SWT1: variants seen among roughly 807,000 people sequenced by gnomAD.
The protein encoded by SWT1 is SWT1 RNA endoribonuclease homolog.
Under a neutral mutation model 107.3 loss-of-function variants are expected in SWT1, and 33 were observed. That is an observed-to-expected ratio of 0.31 (90% confidence interval 0.23 to 0.41). The LOEUF is 0.41. Ranked by LOEUF, SWT1 falls within the 10% of genes least tolerant of loss-of-function variation. The probability of loss-of-function intolerance (pLI) is 1.00; values close to 1 mark genes in which losing one functional copy is unlikely to be tolerated. For missense variants in SWT1, 898 were observed against 1,028.9 expected, an observed-to-expected ratio of 0.87 and a Z score of 1.74; for synonymous variants, 345 against 348.3, an observed-to-expected ratio of 0.99 and a Z score of 0.11.
At chr1:185,196,611 CCATG>C (rs1471704221) in intron 10 of SWT1, among the ~76,000 whole-genome samples, 3 of 152,164 alleles carry the variant, frequency 2.0e-5, no homozygotes, top group South Asian at 2.1e-4. Context: ...TTCTTCCTAT[CCATG>C]GGCATGGAAT....
chr1:185,242,496 T>TA (rs1327299267), intron 16 of SWT1, among the ~76,000 whole-genome samples: 1 of 152,140 alleles, frequency 6.6e-6, no homozygotes, highest in Admixed American at 6.5e-5. Context: ...CCTTTTAAGG[T>TA]AACCTCCGCT....
At chr1:185,157,434 G>A (rs925146289) in intron 1 of SWT1, 120 bp downstream of exon 1, 1 of 152,414 alleles carries the variant, frequency 6.6e-6, no homozygotes, top group Non-Finnish European at 1.5e-5. Flanking sequence ...CACGGACCTG[G>A]GCGGGGCGAC....
At chr1:185,272,898 T>C (rs909640409) in intron 17 of SWT1, among the ~76,000 whole-genome samples, 6 of 151,952 alleles carry the variant, frequency 3.9e-5, no homozygotes, top group African/African-American at 1.4e-4. Context: ...TTAGCCGGCA[T>C]GGTGGCATGC....
intron 2 of SWT1, among the ~76,000 whole-genome samples, chr1:185,161,606 G>A (rs1654154663): frequency 6.6e-6 from 1 of 152,134 alleles, no homozygotes; most frequent in South Asian, 2.1e-4. Context: ...GCTGAGGTGG[G>A]AGGAGAATCA....
Position 185,174,801 on chromosome 1 carries a change from C to T in SWT1, c.654C>T (p.Asn218=). The change falls in exon 5 of 19, where the codon AAC becomes AAT. Residue 218 remains asparagine (N), a synonymous_variant. Coordinates refer to ENST00000367500, the MANE Select transcript of SWT1 (RefSeq NM_017673.7). ...AATTTTCTCAGGATTATAACTCCAA[C>T]AAGATAATTAAGGAACCCTTGGGAT... ...RNQFSQDYNS[N]KIIKEPLGSR... The T allele has an allele frequency of 6.2e-7, 1 of 1,612,322 alleles. No homozygotes were observed. Among genetic ancestry groups the T allele is most frequent in the South Asian group, 1.1e-5 (1 of 90,528 alleles).
At chr1:185,222,469 C>T (rs1659730023) in intron 15 of SWT1, among the ~76,000 whole-genome samples, 1 of 151,914 alleles carries the variant, frequency 6.6e-6, no homozygotes, top group South Asian at 2.1e-4. Flanking sequence ...GTGATAAGAA[C>T]ATTTAGGCCG....
At chr1:185,193,757 G>A (rs763422677) in intron 10 of SWT1, among the ~76,000 whole-genome samples, 6 of 152,144 alleles carry the variant, frequency 3.9e-5, no homozygotes, top group Non-Finnish European at 8.8e-5. Flanking sequence ...GAGCCACCTT[G>A]CCAAGGCTGG....
chr1:185,257,743 C>A (rs1050551091), intron 16 of SWT1, among the ~76,000 whole-genome samples: 3 of 152,252 alleles, frequency 2.0e-5, no homozygotes, highest in Admixed American at 1.3e-4. Context: ...CCGCCTTCTG[C>A]GTCGCTCACG....
In SWT1 at chr1:185,206,740, G is replaced by A. The variant is rs759278110; in HGVS notation, c.1949G>A (p.Ser650Asn). Residue 650 changes from serine to asparagine, a missense_variant, in exon 13 of 19, where the codon AGC (serine) becomes AAC (asparagine). Transcript: ENST00000367500. ...AAGAACTTGCTTTTAACTATTGAGA[G>A]CCTATACAAAAATCTCCGTAAAGGT... ...MEKNLLLTIE[S>N]LYKNLRKANK... 2.3e-5 allele frequency: 36 copies of A among 1,599,412 alleles called. No homozygotes were observed. The East Asian group carries it at 6.7e-4, about 30-fold the overall frequency.
chr1:185,228,188 T>TAC (rs775585667), intron 15 of SWT1, among the ~76,000 whole-genome samples: 1 of 75,762 alleles, frequency 1.3e-5, no homozygotes, highest in East Asian at 2.8e-4. Context: ...TATATATATA[T>TAC]ACATATATAT....
intron 16 of SWT1, among the ~76,000 whole-genome samples, chr1:185,266,828 G>T (rs1046486414): frequency 2.0e-5 from 3 of 152,146 alleles, no homozygotes; most frequent in Non-Finnish European, 4.4e-5. Context: ...GTGAGTGTCA[G>T]TTCTGTTAAC....
intron 16 of SWT1, among the ~76,000 whole-genome samples, chr1:185,243,863 A>G (rs965993874): frequency 6.6e-6 from 1 of 152,198 alleles, no homozygotes; most frequent in African/African-American, 2.4e-5. Flanking sequence ...AATAAGACAA[A>G]TAAGTAAAAT....
intron 15 of SWT1, among the ~76,000 whole-genome samples, chr1:185,228,530 A>G (rs1455731250): frequency 6.6e-6 from 1 of 152,130 alleles, no homozygotes; most frequent in Non-Finnish European, 1.5e-5. Flanking sequence ...TCAAAAAAAG[A>G]TACATTTTCA....
intron 7 of SWT1, 104 bp from the exon 8 acceptor site, chr1:185,184,139 G>A (rs564758576): frequency 1.2e-4 from 75 of 604,886 alleles, no homozygotes; most frequent in East Asian, 2.1e-4. Flanking sequence ...ACAAAGAGGC[G>A]TTTTAAATTT....
rs139545776 is a variant in SWT1, at chr1:185,231,358, T to C, written c.2310-219T>C. Among the ~76,000 whole-genome samples the C allele has an allele frequency of 3.7e-3, 571 of 152,338 alleles. 4 individuals are homozygous for C. Among genetic ancestry groups the C allele is most frequent in the African/African-American group, 0.013 (532 of 41,574 alleles). On this transcript the variant is annotated intron_variant, in intron 15 of 18. Transcript: ENST00000367500. ...TCACACAACTTTCATAGTATTACTT[T>C]AGATTAGACCTGTATAGTGTCTGAA... is the stretch of plus-strand genomic sequence containing the variant.
At chr1:185,289,328 C>T (rs779326092) in intron 18 of SWT1, among the ~76,000 whole-genome samples, 2 of 152,160 alleles carry the variant, frequency 1.3e-5, no homozygotes, top group African/African-American at 2.4e-5. Flanking sequence ...GGGCTTCTTC[C>T]GTGGTGGACC....
At chr1:185,266,775 A>C in intron 16 of SWT1, 1 of 152,152 alleles carries the variant, frequency 6.6e-6, no homozygotes, top group East Asian at 1.9e-4. Flanking sequence ...TCATGGATAA[A>C]TAGAATACTG....
At chr1:185,253,225 C>T (rs890923583) in intron 16 of SWT1, among the ~76,000 whole-genome samples, 95 of 150,798 alleles carry the variant, frequency 6.3e-4, no homozygotes, top group African/African-American at 2.3e-3. Flanking sequence ...GTGATACCTC[C>T]AGCTTTGTTC....
intron 17 of SWT1, among the ~76,000 whole-genome samples, chr1:185,275,099 ATAAAT>A (rs1053491710): frequency 6.6e-6 from 1 of 152,232 alleles, no homozygotes; most frequent in African/African-American, 2.4e-5. Context: ...AAAGCTTAAT[ATAAAT>A]TATTTTATAT....
Sources: gnomAD v4.1 joint callset for allele counts (sites outside exome capture counted in the v4.1 genomes callset) on GRCh38, gnomAD v4.1.1 for gene constraint, MANE v1.5 for transcripts, NCBI Gene and HGNC (gene_info 2026-07-23, HGNC 2026-07-21) for gene names.